Variants in DPYD observed in about 807,000 individuals in gnomAD.
DPYD encodes dihydropyrimidine dehydrogenase, also known as dihydropyrimidine dehydrogenase [NADP(+)].
In DPYD, 109 loss-of-function variants were observed where a neutral mutation model predicts 116.2. The observed-to-expected ratio is 0.94, with a 90% CI of 0.80 to 1.10. The LOEUF (loss-of-function observed/expected upper bound fraction) is 1.10, where lower values mean the gene tolerates loss of function less well. Among genes scored for constraint, DPYD ranks in the 50% least tolerant of loss-of-function variants. The pLI, the probability that DPYD is intolerant of heterozygous loss-of-function variation, is 0.00. For missense variants in DPYD, 1,302 were observed against 1,254.5 expected (o/e 1.04, Z -0.57); for synonymous variants, 440 against 432.0 (o/e 1.02, Z -0.23).
chr1:97,484,580 TC>T (rs1425841239), intron 13 of DPYD, among the ~76,000 whole-genome samples: 1 of 152,162 alleles, frequency 6.6e-6, no homozygotes, highest in Non-Finnish European at 1.5e-5. Context: ...GGAAATTCCC[TC>T]CTCTTTATTC....
intron 8 of DPYD, among the ~76,000 whole-genome samples, chr1:97,633,744 CA>C (rs1657406213): frequency 6.6e-6 from 1 of 152,162 alleles, no homozygotes; most frequent in African/African-American, 2.4e-5. Context: ...TGGTTAGATT[CA>C]GGGGCTTATA....
intron 14 of DPYD, among the ~76,000 whole-genome samples, chr1:97,384,861 A>C (rs1486973809): frequency 6.6e-6 from 1 of 152,178 alleles, no homozygotes; most frequent in Non-Finnish European, 1.5e-5. Context: ...AATTTTGAAT[A>C]GATTCCTTAG....
At chr1:97,146,016 A>G (rs1162181339) in intron 20 of DPYD, among the ~76,000 whole-genome samples, 3 of 152,122 alleles carry the variant, frequency 2.0e-5, no homozygotes, top group East Asian at 1.9e-4. Flanking sequence ...ATCTCTCCCA[A>G]TGATCCTAAG....
chr1:97,739,619 A>G (rs565766700), intron 4 of DPYD, among the ~76,000 whole-genome samples: 2 of 152,276 alleles, frequency 1.3e-5, no homozygotes, highest in South Asian at 4.1e-4. Flanking sequence ...GTATCTTTAC[A>G]GCATTTTAGA....
chr1:97,615,360 C>A (rs181783583), intron 8 of DPYD, among the ~76,000 whole-genome samples: 2 of 152,206 alleles, frequency 1.3e-5, no homozygotes, highest in Non-Finnish European at 2.9e-5. Flanking sequence ...ATGAGCTAGA[C>A]ACTATGCTGG....
intron 18 of DPYD, among the ~76,000 whole-genome samples, chr1:97,275,196 C>A (rs747386489): frequency 1.2e-4 from 18 of 152,126 alleles, no homozygotes; most frequent in Non-Finnish European, 2.2e-4. Flanking sequence ...CAAAATCATC[C>A]AGAGCATGGA....
intron 20 of DPYD, among the ~76,000 whole-genome samples, chr1:97,173,283 C>CATATGTACATATATATGTACAG (rs760885091): frequency 1.7e-5 from 2 of 120,340 alleles, no homozygotes; most frequent in Non-Finnish European, 1.9e-5. Flanking sequence ...TATATGCACA[C>CATATGTACATATATATGTACAG]ATATATGTAC....
At chr1:97,832,433 A>G (rs888276322) in intron 2 of DPYD, among the ~76,000 whole-genome samples, 1 of 152,220 alleles carries the variant, frequency 6.6e-6, no homozygotes, top group Non-Finnish European at 1.5e-5. Flanking sequence ...AAAATAGTTT[A>G]CTAGCAGAGT....
intron 20 of DPYD, among the ~76,000 whole-genome samples, chr1:97,116,605 A>AAGGC (rs147376149): frequency 0.02 from 3,054 of 152,110 alleles, 50 homozygotes; most frequent in African/African-American, 0.043. Context: ...CCAGGAGGTC[A>AAGGC]AGGCTGCAGG....
intron 20 of DPYD, among the ~76,000 whole-genome samples, chr1:97,114,204 G>A (rs1651801875): frequency 6.6e-6 from 1 of 151,996 alleles, no homozygotes; most frequent in African/African-American, 2.4e-5. Flanking sequence ...GAGAGGTGAG[G>A]GTGGACATTA....
chr1:97,215,304 C>A (rs1660304073), intron 19 of DPYD, among the ~76,000 whole-genome samples: 1 of 152,166 alleles, frequency 6.6e-6, no homozygotes, highest in Admixed American at 6.5e-5. Context: ...GATGCATTTT[C>A]ATTTGGGTTG....
At position 97,460,242 on chromosome 1, in the gene DPYD, G is replaced by C. The variant is rs570303718; in HGVS notation, c.1741-10019C>G. Among the ~76,000 whole-genome samples the C allele has an allele frequency of 2.0e-5, 3 of 152,242 alleles. No individual in the cohort carries two copies. The South Asian group carries it at 6.2e-4, about 32-fold the overall frequency. On this transcript the variant is annotated intron_variant, in intron 13 of 22. Coordinates refer to ENST00000370192, the MANE Select transcript of DPYD (RefSeq NM_000110.4). ...AGTATTACTGCCTCTGTTGTCATAT[G>C]GTTCTGAATGATGTTTTAGAAAGAA... is the stretch of plus-strand genomic sequence containing the variant.
chr1:97,657,931 G>A (rs938949151), intron 8 of DPYD, among the ~76,000 whole-genome samples: 6 of 152,042 alleles, frequency 3.9e-5, no homozygotes, highest in Non-Finnish European at 8.8e-5. Flanking sequence ...AGCAGCTTTT[G>A]CGTTTGAATT....
rs377435876 is a variant in DPYD at position 97,315,945 on chromosome 1, C to T, written c.2059-9648G>A. ...TTGAGTGACCTCTGCAAAAAGACAA[C>T]TCAGAGACATCCTTAAAGAGTTTGG... On this transcript the variant is annotated intron_variant, in intron 16 of 22. Transcript: ENST00000370192. Among the ~76,000 whole-genome samples, 3 of 152,108 alleles carry T rather than the reference C, an allele frequency of 2.0e-5. No homozygotes were observed. In the South Asian group the frequency reaches 6.2e-4, roughly 32 times the overall value.
chr1:97,249,810 A>G (rs1054868743), intron 18 of DPYD, among the ~76,000 whole-genome samples: 14 of 152,234 alleles, frequency 9.2e-5, no homozygotes, highest in African/African-American at 3.1e-4. Context: ...AATGATCAAT[A>G]AATACATAAA....
chr1:97,191,943 T>C (rs80032972), intron 20 of DPYD, among the ~76,000 whole-genome samples: 55 of 152,334 alleles, frequency 3.6e-4, no homozygotes, highest in Admixed American at 5.9e-4. Context: ...ATTATCTTGC[T>C]AATTACAATA....
chr1:97,715,538 C>T (rs564528589), intron 5 of DPYD, among the ~76,000 whole-genome samples: 1 of 152,208 alleles, frequency 6.6e-6, no homozygotes, highest in East Asian at 1.9e-4. Flanking sequence ...GAATCCTTAC[C>T]TAGTGGGCTC....
chr1:97,771,019 C>G (rs987795660), intron 3 of DPYD, among the ~76,000 whole-genome samples: 3 of 152,056 alleles, frequency 2.0e-5, no homozygotes, highest in African/African-American at 7.2e-5. Context: ...AATTTGCTAA[C>G]ATTAAAAAGA....
intron 10 of DPYD, among the ~76,000 whole-genome samples, chr1:97,587,776 A>G (rs975894388): frequency 6.7e-6 from 1 of 150,038 alleles, no homozygotes; most frequent in East Asian, 2.0e-4. Context: ...GTGAGTCGAG[A>G]TCGCGCCACT....
Sources: allele counts gnomAD v4.1 joint callset (sites outside exome capture counted in the v4.1 genomes callset), GRCh38; gene constraint gnomAD v4.1.1; transcripts MANE v1.5; gene names NCBI Gene and HGNC (gene_info 2026-07-23, HGNC 2026-07-21).